The following DYRK1A variants were observed in gnomAD, a reference collection of about 807,000 sequenced individuals.
DYRK1A encodes the protein dual specificity tyrosine phosphorylation regulated kinase 1A, also known as dual specificity tyrosine-phosphorylation-regulated kinase 1A.
In DYRK1A, 9 loss-of-function variants were observed where a neutral mutation model predicts 79.7. The observed-to-expected ratio is 0.11, with a 90% CI of 0.07 to 0.20. DYRK1A has a LOEUF of 0.20. DYRK1A is among the 10% of genes least tolerant of loss of function. DYRK1A has a pLI of 1.00. For synonymous variants in DYRK1A, 349 were observed against 329.7 expected (o/e 1.06, Z -0.63); for missense variants, 622 against 956.0 (o/e 0.65, Z 4.61).
rs753901945 is a variant in DYRK1A at position 37,514,561 on chromosome 21, CAGTG to C, written c.*2033_*2036del. The C allele has an allele frequency of 3.1e-4, 48 of 152,496 alleles. No homozygotes were observed. The highest frequency in any genetic ancestry group is 5.4e-4 in the Non-Finnish European group (37 of 67,992). 9.4% of individuals were successfully genotyped at this position (152,496 alleles called of 1,614,324 possible). A position where few individuals can be genotyped will look rare whatever the true frequency, so the allele number is the denominator to read the frequency against. On this transcript the variant is annotated 3_prime_UTR_variant, in exon 12 of 12. Transcript: ENST00000647188. ...ACAAAAGCAGGTTTTTATATGTAAA[CAGTG>C]AGAAAAGAAAGGCTAAACACTATGT...
chr21:37,490,564 ATTGCAGTTG>A lies in DYRK1A; in HGVS notation c.924+104_924+112del. ...CGCAAAAGTAATTGCGGTTTTCGCC[ATTGCAGTTG>A]CTGTTTTTGCAGTGGCAAAAACCGC... is the stretch of plus-strand genomic sequence containing the variant. On this transcript the variant is annotated intron_variant, in intron 7 of 11. Transcript: ENST00000647188. The A allele has an allele frequency of 8.3e-6, 6 of 724,118 alleles. 1 individual carries two copies. The highest frequency in any genetic ancestry group is 1.2e-4 in the South Asian group (2 of 16,440). The allele number at this position is 724,118 out of a possible 1,614,324, so 44.9% of individuals were successfully genotyped here. A position where few individuals can be genotyped will look rare whatever the true frequency, so the allele number is the denominator to read the frequency against.
At chr21:37,497,190 A>G (rs2053297008) in intron 9 of DYRK1A, among the ~76,000 whole-genome samples, 1 of 152,190 alleles carries the variant, frequency 6.6e-6, no homozygotes, top group Non-Finnish European at 1.5e-5. Flanking sequence ...TGAACTGAAG[A>G]TGATGGTTGA....
chr21:37,370,103 C>T (rs2049400703), intron 1 of DYRK1A, among the ~76,000 whole-genome samples: 1 of 152,014 alleles, frequency 6.6e-6, no homozygotes, highest in Non-Finnish European at 1.5e-5. Flanking sequence ...GTGGAGAGGC[C>T]TAGGTAACTG....
intron 1 of DYRK1A, among the ~76,000 whole-genome samples, chr21:37,386,766 T>TTA (rs2049768920): frequency 1.3e-5 from 2 of 152,042 alleles, no homozygotes; most frequent in African/African-American, 2.4e-5. Context: ...GGTTTTCTCA[T>TTA]TTCCCCCTTT....
chr21:37,463,546 G>C (rs886194429), intron 2 of DYRK1A, among the ~76,000 whole-genome samples: 2 of 152,022 alleles, frequency 1.3e-5, no homozygotes, highest in African/African-American at 2.4e-5. Flanking sequence ...CTTACCTCCC[G>C]TGCAGTCCCC....
chr21:37,453,298 A>G (rs1297325687), intron 2 of DYRK1A, among the ~76,000 whole-genome samples: 1 of 152,166 alleles, frequency 6.6e-6, no homozygotes, highest in Non-Finnish European at 1.5e-5. Context: ...TTGTAGCTAC[A>G]TTTCAAGTAT....
chr21:37,510,849 T>TA (rs2053729630), intron 11 of DYRK1A, among the ~76,000 whole-genome samples: 1 of 152,004 alleles, frequency 6.6e-6, no homozygotes, highest in African/African-American at 2.4e-5. Context: ...AGCTTAGACA[T>TA]ATGGCCATCA....
intron 1 of DYRK1A, among the ~76,000 whole-genome samples, chr21:37,399,135 A>G (rs534025641): frequency 4.3e-4 from 49 of 113,862 alleles, no homozygotes; most frequent in Admixed American, 5.8e-4. Flanking sequence ...ATCATTCCCA[A>G]CAGTCTTGTG....
At chr21:37,381,380 A>G (rs1487466314) in intron 1 of DYRK1A, among the ~76,000 whole-genome samples, 2 of 152,318 alleles carry the variant, frequency 1.3e-5, no homozygotes, top group East Asian at 1.9e-4. Flanking sequence ...AATGCCTACT[A>G]TGTATTGAGA....
At chr21:37,386,307 A>G (rs1048410593) in intron 1 of DYRK1A, among the ~76,000 whole-genome samples, 1 of 151,818 alleles carries the variant, frequency 6.6e-6, no homozygotes, top group African/African-American at 2.4e-5. Context: ...TCCACCCCCA[A>G]CCCCCACCCT....
Position 37,478,315 on chromosome 21 carries a change from G to A in DYRK1A, c.300+15G>A. The A allele has an allele frequency of 1.2e-6, 2 of 1,607,932 alleles. No homozygotes were observed. Among genetic ancestry groups the A allele is most frequent in the Non-Finnish European group, 1.7e-6 (2 of 1,176,784 alleles). ...ATATTAATGAGGTAAGACTTGATTT[G>A]TTATAATAACATCTATCTTGCAGTA... On this transcript the variant is annotated intron_variant, in intron 4 of 11. Coordinates refer to ENST00000647188, the MANE Select transcript of DYRK1A (RefSeq NM_001347721.2).
rs746939434 is a variant in DYRK1A at position 37,516,406 on chromosome 21, T to C, written c.*3875T>C. The C allele has an allele frequency of 2.0e-5, 3 of 152,240 alleles. No individual in the cohort carries two copies. The highest frequency in any genetic ancestry group is 2.0e-4 in the Admixed American group (3 of 15,286). 9.4% of individuals were successfully genotyped at this position (152,240 alleles called of 1,614,324 possible). ...AGTAGAGGAGAAGTTCTGATTTTCA[T>C]AACCCTGGTTTCTTATCTAGGCCTG... On this transcript the variant is annotated 3_prime_UTR_variant, in exon 12 of 12. Coordinates refer to ENST00000647188, the MANE Select transcript of DYRK1A (RefSeq NM_001347721.2).
At chr21:37,408,114 C>T (rs2050181075) in intron 1 of DYRK1A, among the ~76,000 whole-genome samples, 1 of 152,222 alleles carries the variant, frequency 6.6e-6, no homozygotes, top group East Asian at 1.9e-4. Flanking sequence ...TAACCCTTTT[C>T]CCTTTCCCAG....
chr21:37,383,749 G>T (rs1253697489), intron 1 of DYRK1A, among the ~76,000 whole-genome samples: 2 of 152,058 alleles, frequency 1.3e-5, no homozygotes, highest in African/African-American at 4.8e-5. Context: ...AAGATGTAGA[G>T]TAAACAAGAA....
intron 1 of DYRK1A, among the ~76,000 whole-genome samples, chr21:37,380,887 T>TC (rs750518604): frequency 2.0e-5 from 3 of 152,318 alleles, no homozygotes; most frequent in East Asian, 3.9e-4. Flanking sequence ...CTGTACCGGC[T>TC]CCTAGTCTTT....
intron 4 of DYRK1A, among the ~76,000 whole-genome samples, chr21:37,479,611 TG>T (rs376491254): frequency 0.033 from 2,260 of 67,502 alleles, 89 homozygotes; most frequent in African/African-American, 0.088. Context: ...TTTTTGTTTT[TG>T]TTTTTTGTTT....
In DYRK1A at chr21:37,497,973, A is replaced by C. The variant is rs1341741374; in HGVS notation, c.1212+1715A>C. Among the ~76,000 whole-genome samples, 5 of 152,202 alleles carry C rather than the reference A, an allele frequency of 3.3e-5. No homozygotes were observed. The East Asian group carries it at 9.6e-4, about 29-fold the overall frequency. ...TTGCTTTTAAGAGATAAATTTTGTA[A>C]CAAAAAGTCAAATTCATAATCAAAT... On this transcript the variant is annotated intron_variant, in intron 9 of 11. Coordinates refer to ENST00000647188, the MANE Select transcript of DYRK1A (RefSeq NM_001347721.2).
intron 2 of DYRK1A, among the ~76,000 whole-genome samples, chr21:37,461,665 T>C (rs1601165099): frequency 6.6e-6 from 1 of 152,274 alleles, no homozygotes; most frequent in East Asian, 1.9e-4. Flanking sequence ...AGGTTAAAGG[T>C]CTTTTTTATT....
chr21:37,369,218 A>C (rs2049380943), intron 1 of DYRK1A, among the ~76,000 whole-genome samples: 3 of 152,196 alleles, frequency 2.0e-5, no homozygotes. Flanking sequence ...GAGGTGTTTT[A>C]ATAACTCAGG....
Sources: gnomAD v4.1 joint callset for allele counts (sites outside exome capture counted in the v4.1 genomes callset) on GRCh38, gnomAD v4.1.1 for gene constraint, MANE v1.5 for transcripts, NCBI Gene and HGNC (gene_info 2026-07-23, HGNC 2026-07-21) for gene names.